The following FLNB variants were observed in gnomAD, a reference collection of about 807,000 sequenced individuals.
The protein encoded by FLNB is filamin-B.
In FLNB, 111 loss-of-function variants were observed where a neutral mutation model predicts 250.6. That is an observed-to-expected ratio of 0.44 (90% CI 0.38 to 0.52). The LOEUF (loss-of-function observed/expected upper bound fraction) is 0.52, where lower values mean the gene tolerates loss of function less well. Ranked by LOEUF, FLNB falls within the 20% of genes least tolerant of loss-of-function variation. FLNB has a pLI of 0.00. For synonymous variants in FLNB, 1,302 were observed against 1,372.1 expected, an observed-to-expected ratio of 0.95 and a Z score of 1.13; for missense variants, 2,869 against 3,447.8, an observed-to-expected ratio of 0.83 and a Z score of 4.20.
At chr3:58,107,396 C>T (rs559150452) in intron 12 of FLNB, among the ~76,000 whole-genome samples, 2 of 152,280 alleles carry the variant, frequency 1.3e-5, no homozygotes, top group East Asian at 1.9e-4. Flanking sequence ...AAGTAACTTA[C>T]CTATCTGACT....
At position 58,048,507 on chromosome 3, in the gene FLNB, C is replaced by T. The variant is rs559089633; in HGVS notation, c.293-28539C>T. On this transcript the variant is annotated intron_variant, in intron 1 of 45. Transcript: ENST00000295956. Reference sequence around the variant, plus strand: ...TTTTGGCTAGGGCACTTCCTGAGGTCATAGGTACTTCCCACTGCCTCACAG... The same window carrying T: ...TTTTGGCTAGGGCACTTCCTGAGGTTATAGGTACTTCCCACTGCCTCACAG... Among the ~76,000 whole-genome samples the T allele has an allele frequency of 2.0e-5, 3 of 152,296 alleles. No individual in the cohort carries two copies. The South Asian group carries it at 6.2e-4, about 32-fold the overall frequency.
rs748044026 is a variant in FLNB at position 58,112,313 on chromosome 3, C to G, written c.2740C>G (p.Gln914Glu). Reference protein sequence around the residue: ...YSHTVKYTPTQQGNMQVLVTY... With the variant: ...YSHTVKYTPTEQGNMQVLVTY... Reference sequence around the variant, plus strand: ...TCACACGGTTAAATATACACCCACCCAACAGGTAGGGTCCTTCTCCCCTCT... The same window carrying G: ...TCACACGGTTAAATATACACCCACCGAACAGGTAGGGTCCTTCTCCCCTCT... Residue 914 changes from glutamine to glutamate, a missense_variant, in exon 18 of 46, where the codon CAA (glutamine) becomes GAA (glutamate). Coordinates refer to ENST00000295956, the MANE Select transcript of FLNB (RefSeq NM_001457.4). 6.2e-7 allele frequency: 1 copy of G among 1,613,276 alleles called. No homozygotes were observed. Among genetic ancestry groups the G allele is most frequent in the Non-Finnish European group, 8.5e-7 (1 of 1,179,938 alleles).
intron 41 of FLNB, among the ~76,000 whole-genome samples, chr3:58,159,252 T>G (rs1267961543): frequency 6.6e-6 from 1 of 152,208 alleles, no homozygotes; most frequent in Non-Finnish European, 1.5e-5. Context: ...CTGGCCTGCA[T>G]GGGCATTATT....
Position 58,109,651 on chromosome 3 carries a change from G to A in FLNB, c.2275G>A (p.Ala759Thr), listed in dbSNP as rs767948104. The change falls in exon 15 of 46, where the codon GCA becomes ACA. Residue 759 changes from alanine (A) to threonine (T), a missense_variant. Coordinates refer to ENST00000295956, the MANE Select transcript of FLNB (RefSeq NM_001457.4). ...AGGTGTGGAGAGAAGTGGTCTGAAG[G>A]CAAATGAACCTACACACTTCACGGT... ...GPGVERSGLK[A>T]NEPTHFTVDC... 5 of 1,614,124 alleles carry A rather than the reference G, an allele frequency of 3.1e-6. No individual in the cohort carries two copies. The highest frequency in any genetic ancestry group is 4.2e-6 in the Non-Finnish European group (5 of 1,180,020).
intron 22 of FLNB, among the ~76,000 whole-genome samples, chr3:58,125,289 C>A (rs528028273): frequency 2.0e-5 from 3 of 152,204 alleles, no homozygotes; most frequent in African/African-American, 4.8e-5. Context: ...TGCACCACCA[C>A]ACTCAGCTAA....
intron 2 of FLNB, 191 bp from the exon 3 acceptor site, chr3:58,078,526 G>A: frequency 6.5e-7 from 1 of 1,536,548 alleles, no homozygotes; most frequent in Non-Finnish European, 8.7e-7. Flanking sequence ...CTCAGTAATG[G>A]AGGATAGTTT....
intron 18 of FLNB, among the ~76,000 whole-genome samples, chr3:58,112,984 G>A (rs369416402): frequency 8.0e-4 from 122 of 152,154 alleles, no homozygotes; most frequent in African/African-American, 2.7e-3. Context: ...CTGCCTCTCT[G>A]TACAAGTTAA....
chr3:58,030,539 A>C (rs1041373426), intron 1 of FLNB, among the ~76,000 whole-genome samples: 3 of 149,660 alleles, frequency 2.0e-5, no homozygotes, highest in Admixed American at 2.0e-4. Flanking sequence ...TTTGAGGCCC[A>C]TGGGTCCTAT....
intron 10 of FLNB, 85 bp from the exon 11 acceptor site, chr3:58,104,995 A>G: frequency 6.4e-7 from 1 of 1,572,774 alleles, no homozygotes. Context: ...AAGTGGAAAG[A>G]ATGTGCAAAG....
At chr3:58,113,613 G>A (rs1054408780) in intron 18 of FLNB, among the ~76,000 whole-genome samples, 2 of 152,192 alleles carry the variant, frequency 1.3e-5, no homozygotes, top group African/African-American at 2.4e-5. Context: ...TGTGTGTCGT[G>A]TTATAAATGT....
At chr3:58,088,143 G>A (rs1228585358) in intron 4 of FLNB, among the ~76,000 whole-genome samples, 1 of 144,462 alleles carries the variant, frequency 6.9e-6, no homozygotes, top group East Asian at 2.2e-4. Flanking sequence ...TGCCTCCTGG[G>A]TTCAAGGGAT....
chr3:58,125,335 G>A (rs933869339), intron 22 of FLNB, among the ~76,000 whole-genome samples: 6 of 152,144 alleles, frequency 3.9e-5, no homozygotes, highest in African/African-American at 1.4e-4. Flanking sequence ...GTCTCGCCAT[G>A]TTGCCCAGGC....
Position 58,081,790 on chromosome 3 carries a change from C to T in FLNB, c.787+14C>T, listed in dbSNP as rs1421148550. 4 of 1,613,858 alleles carry T rather than the reference C, an allele frequency of 2.5e-6. No individual in the cohort carries two copies. Among genetic ancestry groups the T allele is most frequent in the Non-Finnish European group, 3.4e-6 (4 of 1,179,894 alleles). ...CCTATGGCAGAGGTGAGTGCTGGTC[C>T]TCTGGTGTTGTATTGGAGACATGTC... On this transcript the variant is annotated intron_variant, in intron 4 of 45. Coordinates refer to ENST00000295956, the MANE Select transcript of FLNB (RefSeq NM_001457.4).
At chr3:58,074,401 A>T (rs1206205122) in intron 1 of FLNB, among the ~76,000 whole-genome samples, 1 of 152,184 alleles carries the variant, frequency 6.6e-6, no homozygotes, top group Non-Finnish European at 1.5e-5. Flanking sequence ...CTGAGAAATG[A>T]GCTGGGAAAT....
chr3:58,027,157 C>T (rs1454924372), intron 1 of FLNB, among the ~76,000 whole-genome samples: 1 of 145,742 alleles, frequency 6.9e-6, no homozygotes, highest in African/African-American at 2.5e-5. Flanking sequence ...GACTCTGGCT[C>T]TTTTTTTTTT....
At chr3:58,032,636 G>A (rs1349800899) in intron 1 of FLNB, among the ~76,000 whole-genome samples, 1 of 152,160 alleles carries the variant, frequency 6.6e-6, no homozygotes, top group Non-Finnish European at 1.5e-5. Context: ...AGAGAGAGTT[G>A]CATTCTAAGA....
chr3:58,022,608 C>T (rs2097115683), intron 1 of FLNB, among the ~76,000 whole-genome samples: 4 of 152,164 alleles, frequency 2.6e-5, no homozygotes, highest in Admixed American at 2.0e-4. Context: ...TTGTGATAAA[C>T]GCTTCTTACT....
intron 31 of FLNB, among the ~76,000 whole-genome samples, chr3:58,143,261 C>G (rs1398769689): frequency 1.3e-5 from 2 of 151,188 alleles, no homozygotes; most frequent in South Asian, 4.2e-4. Flanking sequence ...TAAGAGTTGT[C>G]TGCTATATTT....
rs752422936 is a variant in FLNB at position 58,013,926 on chromosome 3, GT to G, written c.292+5072del. Among the ~76,000 whole-genome samples, 51 of 152,358 alleles carry G rather than the reference GT, an allele frequency of 3.3e-4. 1 individual carries two copies. The highest frequency in any genetic ancestry group is 3.1e-4 in the Non-Finnish European group (21 of 68,032). Reference sequence around the variant, plus strand: ...AGCATTCAATGTCACTTGTGTAGTAGTTAAGAGCAAGGATTCTTGGTTCAAA... The same window carrying G: ...AGCATTCAATGTCACTTGTGTAGTAGTAAGAGCAAGGATTCTTGGTTCAAA... On this transcript the variant is annotated intron_variant, in intron 1 of 45. Coordinates refer to ENST00000295956, the MANE Select transcript of FLNB (RefSeq NM_001457.4).
Sources: gnomAD v4.1 joint callset for allele counts (sites outside exome capture counted in the v4.1 genomes callset) on GRCh38, gnomAD v4.1.1 for gene constraint, MANE v1.5 for transcripts, NCBI Gene and HGNC (gene_info 2026-07-23, HGNC 2026-07-21) for gene names.